The following EPC1 variants were observed in gnomAD, a reference collection of about 807,000 sequenced individuals.
The protein encoded by EPC1 is enhancer of polycomb homolog 1.
In EPC1, 12 loss-of-function variants were observed where a neutral mutation model predicts 98.4. The ratio of observed to expected loss-of-function variants is 0.12; its 90% CI spans 0.08 to 0.20. The LOEUF is 0.20. Among genes scored for constraint, EPC1 ranks in the 10% least tolerant of loss-of-function variants. The pLI is 1.00. For synonymous variants in EPC1, 357 were observed against 363.9 expected (o/e 0.98, Z 0.21); for missense variants, 729 against 990.5 (o/e 0.74, Z 3.54).
At chr10:32,288,312 C>CTTTTTTTTTTTTTTT in intron 6 of EPC1, among the ~76,000 whole-genome samples, 1 of 124,102 alleles carries the variant, frequency 8.1e-6, no homozygotes, top group African/African-American at 3.2e-5. Context: ...TTACTTTTTT[C>CTTTTTTTTTTTTTTT]TTTTTTTTTT....
chr10:32,308,214 CT>C (rs1835988226), intron 1 of EPC1, among the ~76,000 whole-genome samples: 2 of 152,146 alleles, frequency 1.3e-5, no homozygotes, highest in Admixed American at 6.5e-5. Context: ...AACCCCATCT[CT>C]ACTAAAAATA....
At chr10:32,296,037 C>T (rs1373119935) in intron 2 of EPC1, among the ~76,000 whole-genome samples, 1 of 151,966 alleles carries the variant, frequency 6.6e-6, no homozygotes, top group Non-Finnish European at 1.5e-5. Flanking sequence ...GATTCTCCTG[C>T]CTCAGCCTTC....
upstream of EPC1, among the ~76,000 whole-genome samples, chr10:32,351,139 C>G (rs1457929001): frequency 1.1e-4 from 17 of 152,188 alleles, no homozygotes; most frequent in Admixed American, 1.1e-3. Flanking sequence ...CAATGCATGT[C>G]ACCAAGTCAG....
intron 1 of EPC1, among the ~76,000 whole-genome samples, chr10:32,314,290 A>C (rs1836427379): frequency 6.6e-6 from 1 of 152,214 alleles, no homozygotes; most frequent in South Asian, 2.1e-4. Context: ...AATATGAACA[A>C]TAAAAAGAGG....
chr10:32,329,365 A>G (rs1353366994), intron 1 of EPC1, among the ~76,000 whole-genome samples: 1 of 152,272 alleles, frequency 6.6e-6, no homozygotes, highest in Non-Finnish European at 1.5e-5. Flanking sequence ...TGCTAAAAAC[A>G]GAACTTTGTT....
exon 1 of EPC1, chr10:32,378,666 G>A (rs768632283): frequency 2.1e-6 from 1 of 482,478 alleles, no homozygotes; most frequent in Non-Finnish European, 3.7e-6. Context: ...GCCGAATGGG[G>A]TGGCTTCCCC....
At chr10:32,311,244 C>T (rs1231536518) in intron 1 of EPC1, among the ~76,000 whole-genome samples, 1 of 151,182 alleles carries the variant, frequency 6.6e-6, no homozygotes, top group East Asian at 1.9e-4. Flanking sequence ...ACCCAGGAGG[C>T]GGAACTTGCA....
chr10:32,288,145 C>T (rs566541729), intron 6 of EPC1, among the ~76,000 whole-genome samples: 18 of 152,078 alleles, frequency 1.2e-4, no homozygotes, highest in South Asian at 2.1e-4. Flanking sequence ...GGGAAAACTA[C>T]GGTTTTCCCA....
At chr10:32,270,559 T>A (rs1371584694) in intron 13 of EPC1, among the ~76,000 whole-genome samples, 3 of 152,100 alleles carry the variant, frequency 2.0e-5, no homozygotes, top group African/African-American at 7.2e-5. Context: ...GCGTGGTGGC[T>A]CATGCCTGTA....
At chr10:32,348,848 A>G (rs116260137), upstream of EPC1, among the ~76,000 whole-genome samples, 1 of 152,330 alleles carries the variant, frequency 6.6e-6, no homozygotes, top group African/African-American at 2.4e-5. Context: ...AAGGGGCAAG[A>G]GTGGCGCCCA....
intron 1 of EPC1, among the ~76,000 whole-genome samples, chr10:32,343,026 G>T (rs1838470954): frequency 6.6e-6 from 1 of 152,014 alleles, no homozygotes; most frequent in Non-Finnish European, 1.5e-5. Flanking sequence ...AGTTAACATT[G>T]TAAAATATTC....
At chr10:32,289,649 A>C (rs1836887741) in intron 6 of EPC1, among the ~76,000 whole-genome samples, 1 of 149,828 alleles carries the variant, frequency 6.7e-6, no homozygotes, top group Admixed American at 6.7e-5. Context: ...TTTTAGACGG[A>C]GTCTCGCACT....
At chr10:32,358,312 C>T (rs1156569673) in intron 1 of EPC1, among the ~76,000 whole-genome samples, 1 of 152,046 alleles carries the variant, frequency 6.6e-6, no homozygotes, top group Non-Finnish European at 1.5e-5. Context: ...TTATAAAGAA[C>T]ACGTATAATC....
At chr10:32,297,434 T>C (rs1835236417) in intron 2 of EPC1, among the ~76,000 whole-genome samples, 1 of 151,894 alleles carries the variant, frequency 6.6e-6, no homozygotes, top group South Asian at 2.1e-4. Flanking sequence ...TACACATGTC[T>C]GCCACCACGC....
At chr10:32,339,162 G>A (rs1055828324) in intron 1 of EPC1, among the ~76,000 whole-genome samples, 4 of 152,056 alleles carry the variant, frequency 2.6e-5, no homozygotes, top group African/African-American at 7.2e-5. Context: ...ATATGCAAAT[G>A]AGATTAACTC....
intron 1 of EPC1, among the ~76,000 whole-genome samples, chr10:32,314,027 CTGTGA>C (rs1251326253): frequency 2.0e-5 from 3 of 152,130 alleles, no homozygotes; most frequent in African/African-American, 7.2e-5. Flanking sequence ...TTAGGTTCAG[CTGTGA>C]TTTCACAATT....
intron 2 of EPC1, among the ~76,000 whole-genome samples, chr10:32,303,099 T>C (rs1160782086): frequency 6.6e-6 from 1 of 152,170 alleles, no homozygotes; most frequent in Non-Finnish European, 1.5e-5. Context: ...AGGTCAGGAA[T>C]TCGAGACCAG....
At chr10:32,357,984 A>G (rs938837237) in intron 1 of EPC1, among the ~76,000 whole-genome samples, 1 of 150,824 alleles carries the variant, frequency 6.6e-6, no homozygotes, top group African/African-American at 2.4e-5. Context: ...CCTCCCGAGT[A>G]GCTGGGATTA....
intron 1 of EPC1, among the ~76,000 whole-genome samples, chr10:32,331,669 GACT>G (rs2132972446): frequency 6.6e-6 from 1 of 152,234 alleles, no homozygotes; most frequent in African/African-American, 2.4e-5. Flanking sequence ...CTTTAAAAAA[GACT>G]ACCTCAGATT....
Sources: allele counts gnomAD v4.1 joint callset (sites outside exome capture counted in the v4.1 genomes callset), GRCh38; gene constraint gnomAD v4.1.1; transcripts MANE v1.5; gene names NCBI Gene and HGNC (gene_info 2026-07-23, HGNC 2026-07-21).